The following MCTP2 variants were observed in gnomAD, a reference collection of about 807,000 sequenced individuals.
The protein encoded by MCTP2 is multiple C2 and transmembrane domain containing 2, also known as multiple C2 and transmembrane domain-containing protein 2.
MCTP2 carries 132 observed loss-of-function variants against 111.6 expected under a neutral mutation model. That is an observed-to-expected ratio of 1.18 (90% CI 1.03 to 1.37). MCTP2 has a LOEUF of 1.37. Among genes scored for constraint, MCTP2 ranks in the 40% most tolerant of loss-of-function variants. The pLI is 0.00. For missense variants in MCTP2, 1,183 were observed against 1,067.9 expected (o/e 1.11, Z -1.50); for synonymous variants, 395 against 387.7 (o/e 1.02, Z -0.22).
Position 94,407,787 on chromosome 15 carries a change from A to G in MCTP2, c.2085+5768A>G, listed in dbSNP as rs907292824. 1.2e-3 allele frequency among the ~76,000 whole-genome samples: 111 copies of G among 95,852 alleles called. 3 individuals are homozygous for G. In the South Asian group the frequency reaches 0.024, roughly 21 times the overall value. 62.9% of individuals were successfully genotyped at this position (95,852 alleles called of 152,430 possible). A position where few individuals can be genotyped will look rare whatever the true frequency, so the allele number is the denominator to read the frequency against. ...CACATGTACTTGTGCACACACACAC[A>G]CACACACACACACACACACACACAC... On this transcript the variant is annotated intron_variant, in intron 17 of 22. Transcript: ENST00000357742.
At chr15:94,435,273 C>G (rs889631852) in intron 17 of MCTP2, among the ~76,000 whole-genome samples, 1 of 152,164 alleles carries the variant, frequency 6.6e-6, no homozygotes, top group South Asian at 2.1e-4. Flanking sequence ...AATACCAAAT[C>G]TTCCACTCCA....
At chr15:94,336,016 C>T (rs1040918038) in intron 4 of MCTP2, among the ~76,000 whole-genome samples, 4 of 152,180 alleles carry the variant, frequency 2.6e-5, no homozygotes, top group Non-Finnish European at 5.9e-5. Flanking sequence ...AGGAAAATCA[C>T]CTGTCTTTAT....
chr15:94,330,804 G>GGCTCACTGGAGTGCAGTGGTACAATCTTT (rs2077098464), intron 4 of MCTP2, among the ~76,000 whole-genome samples: 1 of 152,068 alleles, frequency 6.6e-6, no homozygotes, highest in African/African-American at 2.4e-5. Flanking sequence ...GTACAATCTT[G>GGCTCACTGGAGTGCAGTGGTACAATCTTT]GCTCACTGCA....
intron 8 of MCTP2, among the ~76,000 whole-genome samples, chr15:94,355,552 G>A (rs944497153): frequency 2.6e-5 from 4 of 151,980 alleles, no homozygotes; most frequent in South Asian, 2.1e-4. Flanking sequence ...TGCTTTATAC[G>A]CCCCCTTCCC....
At chr15:94,255,072 C>G (rs186422524) in intron 1 of MCTP2, among the ~76,000 whole-genome samples, 6 of 152,256 alleles carry the variant, frequency 3.9e-5, no homozygotes, top group Admixed American at 3.3e-4. Context: ...AAGATCAGAC[C>G]TGTTCTTCTT....
chr15:94,250,320 A>G (rs1246541768), intron 1 of MCTP2, among the ~76,000 whole-genome samples: 1 of 152,186 alleles, frequency 6.6e-6, no homozygotes, highest in Non-Finnish European at 1.5e-5. Flanking sequence ...TAGAACATTT[A>G]TAGTTTGTAG....
At chr15:94,435,649 T>TTTTTTTTTTTTTTTTTTTTTGTGG in intron 17 of MCTP2, among the ~76,000 whole-genome samples, 1 of 137,666 alleles carries the variant, frequency 7.3e-6, no homozygotes, top group East Asian at 2.3e-4. Flanking sequence ...TTTTTTTTTT[T>TTTTTTTTTTTTTTTTTTTTTGTGG]GAGACGGAGT....
rs138406716 is a variant in MCTP2 at position 94,243,316 on chromosome 15, C to T, written c.-66+11652C>T. 7.0e-3 allele frequency among the ~76,000 whole-genome samples: 897 copies of T among 128,540 alleles called. 9 individuals carry two copies. Among genetic ancestry groups the T allele is most frequent in the African/African-American group, 0.024 (830 of 34,322 alleles). The allele number at this position is 128,540 out of a possible 152,430, so 84.3% of individuals were successfully genotyped here. A position where few individuals can be genotyped will look rare whatever the true frequency, so the allele number is the denominator to read the frequency against. ...ATGCATATATACATACATACGTATG[C>T]GTACATACGTATGCGTATATGCGTA... On this transcript the variant is annotated intron_variant, in intron 1 of 22. Transcript: ENST00000357742.
chr15:94,279,658 G>T (rs2074382057), intron 1 of MCTP2, among the ~76,000 whole-genome samples: 1 of 152,096 alleles, frequency 6.6e-6, no homozygotes. Context: ...ATGCTGAATA[G>T]GAGTGGTGAG....
intron 2 of MCTP2, among the ~76,000 whole-genome samples, chr15:94,314,039 T>A (rs2076268458): frequency 1.3e-5 from 2 of 152,212 alleles, no homozygotes; most frequent in Non-Finnish European, 2.9e-5. Flanking sequence ...GAACTAGGGA[T>A]GCCATGTGGC....
intron 1 of MCTP2, among the ~76,000 whole-genome samples, chr15:94,255,495 G>A (rs1291088168): frequency 6.7e-6 from 1 of 149,934 alleles, no homozygotes; most frequent in African/African-American, 2.5e-5. Context: ...ACTGACATAA[G>A]TATTTTAATA....
intron 1 of MCTP2, among the ~76,000 whole-genome samples, chr15:94,283,647 T>G (rs1485160413): frequency 1.3e-5 from 2 of 152,188 alleles, no homozygotes; most frequent in East Asian, 3.9e-4. Flanking sequence ...CTTCTTACCT[T>G]TCAGCCTGGG....
At chr15:94,388,475 AATATT>A in intron 14 of MCTP2, among the ~76,000 whole-genome samples, 1 of 152,330 alleles carries the variant, frequency 6.6e-6, no homozygotes. Context: ...TTCTCTATCT[AATATT>A]AGATATAAAT....
At chr15:94,294,433 G>T (rs2075167596) in intron 1 of MCTP2, among the ~76,000 whole-genome samples, 1 of 152,122 alleles carries the variant, frequency 6.6e-6, no homozygotes. Flanking sequence ...GTGTCCAGGG[G>T]TTAGGTATAT....
At chr15:94,300,435 G>A (rs905216032) in intron 2 of MCTP2, among the ~76,000 whole-genome samples, 9 of 151,474 alleles carry the variant, frequency 5.9e-5, no homozygotes, top group Middle Eastern at 3.4e-3. Context: ...GCATGAACGC[G>A]GGAGGTAGAA....
intron 4 of MCTP2, among the ~76,000 whole-genome samples, chr15:94,329,267 A>G (rs1052188763): frequency 2.0e-5 from 3 of 152,142 alleles, no homozygotes; most frequent in African/African-American, 7.2e-5. Flanking sequence ...TGAACTTTCT[A>G]ACTTTCCTCA....
At chr15:94,424,103 G>T (rs940708943) in intron 17 of MCTP2, among the ~76,000 whole-genome samples, 1 of 151,932 alleles carries the variant, frequency 6.6e-6, no homozygotes, top group Admixed American at 6.6e-5. Flanking sequence ...GTTCAATTTT[G>T]TCTGATTTCT....
At chr15:94,428,623 G>A (rs1454430987) in intron 17 of MCTP2, among the ~76,000 whole-genome samples, 1 of 151,888 alleles carries the variant, frequency 6.6e-6, no homozygotes, top group Non-Finnish European at 1.5e-5. Flanking sequence ...CTCCACCCCA[G>A]ACACCTATCA....
chr15:94,341,558 A>G (rs1429337381), intron 7 of MCTP2: 1 of 152,220 alleles, frequency 6.6e-6, no homozygotes, highest in African/African-American at 2.4e-5. Flanking sequence ...TAAAAATATA[A>G]AGCCTATTTA....
Sources: allele counts gnomAD v4.1 joint callset (sites outside exome capture counted in the v4.1 genomes callset), GRCh38; gene constraint gnomAD v4.1.1; transcripts MANE v1.5; gene names NCBI Gene and HGNC (gene_info 2026-07-23, HGNC 2026-07-21).